POFUT3: variants seen among roughly 807,000 people sequenced by gnomAD.
The protein encoded by POFUT3 is GDP-fucose protein O-fucosyltransferase 3.
chr8:33,356,398 T>G, the POFUT3 span, among the ~76,000 whole-genome samples: 1 of 152,272 alleles, frequency 6.6e-6, no homozygotes, highest in Admixed American at 6.5e-5. Flanking sequence ...ATTGTGGTTT[T>G]GATTTGCACT....
At chr8:33,357,840 AG>A in the POFUT3 span, among the ~76,000 whole-genome samples, 1 of 152,112 alleles carries the variant, frequency 6.6e-6, no homozygotes, top group Non-Finnish European at 1.5e-5. Context: ...AGCCTCCATA[AG>A]TGTCTCTTTA....
the POFUT3 span, among the ~76,000 whole-genome samples, chr8:33,422,902 C>A: frequency 6.6e-6 from 1 of 152,022 alleles, no homozygotes. Context: ...ACCTCCGCCT[C>A]CCAGGCAGCC....
At chr8:33,344,429 C>A in the POFUT3 span, among the ~76,000 whole-genome samples, 1 of 152,172 alleles carries the variant, frequency 6.6e-6, no homozygotes, top group Admixed American at 6.5e-5. Context: ...ATTTGAGGAT[C>A]TGACTGGTGT....
chr8:33,372,851 A>C, the POFUT3 span: 1 of 1,550,802 alleles, frequency 6.4e-7, no homozygotes, highest in South Asian at 1.1e-5. Context: ...ATGATAATGA[A>C]GCACAATTCC....
chr8:33,349,944 T>C, the POFUT3 span, among the ~76,000 whole-genome samples: 2 of 152,210 alleles, frequency 1.3e-5, no homozygotes, highest in African/African-American at 4.8e-5. Flanking sequence ...CATTAACATC[T>C]AATTTTTTTA....
At chr8:33,394,222 AT>A in the POFUT3 span, 1 of 213,004 alleles carries the variant, frequency 4.7e-6, no homozygotes, top group Non-Finnish European at 9.5e-6. Context: ...AATTACCATC[AT>A]TTTCTGCCAA....
At chr8:33,470,956 A>AT in the POFUT3 span, among the ~76,000 whole-genome samples, 3,356 of 150,738 alleles carry the variant, frequency 0.022, 58 homozygotes, top group East Asian at 0.078. Flanking sequence ...ATTTCCGGAA[A>AT]TTTTTTTTTT....
At chr8:33,445,548 T>C in the POFUT3 span, among the ~76,000 whole-genome samples, 2 of 152,268 alleles carry the variant, frequency 1.3e-5, no homozygotes, top group African/African-American at 2.4e-5. Context: ...TCTTTCAAGG[T>C]TGCTATCCCA....
chr8:33,383,991 C>T, the POFUT3 span, among the ~76,000 whole-genome samples: 1 of 151,888 alleles, frequency 6.6e-6, no homozygotes, highest in African/African-American at 2.4e-5. Context: ...TAGGGGACTA[C>T]CAGGAACTTA....
chr8:33,420,623 A>G, the POFUT3 span, among the ~76,000 whole-genome samples: 1 of 152,326 alleles, frequency 6.6e-6, no homozygotes, highest in African/African-American at 2.4e-5. Context: ...GGGGGAGCAG[A>G]AAAATGTATC....
the POFUT3 span, among the ~76,000 whole-genome samples, chr8:33,441,085 C>T: frequency 6.6e-6 from 1 of 152,022 alleles, no homozygotes; most frequent in South Asian, 2.1e-4. Flanking sequence ...AATCCCAGCA[C>T]TTTGGGAGGC....
the POFUT3 span, among the ~76,000 whole-genome samples, chr8:33,384,864 G>C: frequency 6.6e-6 from 1 of 152,038 alleles, no homozygotes; most frequent in South Asian, 2.1e-4. Flanking sequence ...ATGGTATTTT[G>C]TACAACACTA....
the POFUT3 span, among the ~76,000 whole-genome samples, chr8:33,403,456 C>A: frequency 6.6e-6 from 1 of 152,116 alleles, no homozygotes; most frequent in African/African-American, 2.4e-5. Flanking sequence ...TGGCTCACAC[C>A]TGTAATCCCA....
chr8:33,313,255 T>C, the POFUT3 span, among the ~76,000 whole-genome samples: 1 of 152,186 alleles, frequency 6.6e-6, no homozygotes, highest in Non-Finnish European at 1.5e-5. Flanking sequence ...TTCTGGTTAT[T>C]ACAGCAAAAT....
At chr8:33,377,966 A>T in the POFUT3 span, among the ~76,000 whole-genome samples, 1 of 152,242 alleles carries the variant, frequency 6.6e-6, no homozygotes, top group Non-Finnish European at 1.5e-5. Flanking sequence ...GGTGATCACC[A>T]TACAAACAGG....
chr8:33,372,606 C>T, the POFUT3 span: 1 of 1,613,942 alleles, frequency 6.2e-7, no homozygotes, highest in Non-Finnish European at 8.5e-7. Context: ...CCCCAAAACT[C>T]TTGAGATGAA....
At chr8:33,404,597 T>A in the POFUT3 span, among the ~76,000 whole-genome samples, 1 of 152,102 alleles carries the variant, frequency 6.6e-6, no homozygotes, top group East Asian at 1.9e-4. Flanking sequence ...ATTTAATAAA[T>A]AAATGCCTTT....
the POFUT3 span, among the ~76,000 whole-genome samples, chr8:33,465,429 TAG>T: frequency 0.64 from 93,621 of 146,636 alleles, 29,982 homozygotes; most frequent in African/African-American, 0.7. Context: ...CATATATATA[TAG>T]AGAGAGAGAG....
the POFUT3 span, among the ~76,000 whole-genome samples, chr8:33,331,844 T>A: frequency 1.3e-5 from 2 of 151,338 alleles, no homozygotes; most frequent in South Asian, 4.2e-4. Context: ...CCCGGCTAAT[T>A]TTTTTTGTAT....
Sources: allele counts gnomAD v4.1 joint callset (sites outside exome capture counted in the v4.1 genomes callset), GRCh38; gene constraint gnomAD v4.1.1; transcripts MANE v1.5; gene names NCBI Gene and HGNC (gene_info 2026-07-23, HGNC 2026-07-21).